Variants in FCHSD2 observed in about 807,000 individuals in gnomAD.
FCHSD2 encodes the protein FCH and double SH3 domains 2, also known as F-BAR and double SH3 domains protein 2.
FCHSD2 carries 38 observed loss-of-function variants against 108.1 expected under a neutral mutation model. That is an observed-to-expected ratio of 0.35 (90% confidence interval 0.27 to 0.46). The LOEUF (loss-of-function observed/expected upper bound fraction) is 0.46, where lower values mean the gene tolerates loss of function less well. Ranked by LOEUF, FCHSD2 falls within the 20% of genes least tolerant of loss-of-function variation. The probability of loss-of-function intolerance (pLI) is 1.00; values close to 1 mark genes in which losing one functional copy is unlikely to be tolerated. For missense variants in FCHSD2, 751 were observed against 897.8 expected (o/e 0.84, Z 2.09); for synonymous variants, 279 against 314.7 (o/e 0.89, Z 1.20).
At chr11:73,069,028 A>T (rs1487917720) in intron 3 of FCHSD2, among the ~76,000 whole-genome samples, 1 of 151,480 alleles carries the variant, frequency 6.6e-6, no homozygotes, top group Non-Finnish European at 1.5e-5. Context: ...ACAAAAAAAA[A>T]GGCCAGGAAT....
chr11:73,014,670 A>G (rs1857931711), intron 4 of FCHSD2, among the ~76,000 whole-genome samples: 1 of 152,116 alleles, frequency 6.6e-6, no homozygotes, highest in Admixed American at 6.6e-5. Context: ...ATGCGCTTCA[A>G]TACTAAGTTC....
At chr11:73,127,620 C>T (rs1244713227) in intron 2 of FCHSD2, among the ~76,000 whole-genome samples, 2 of 152,164 alleles carry the variant, frequency 1.3e-5, no homozygotes, top group Admixed American at 6.5e-5. Flanking sequence ...AGAAAACCAT[C>T]AACTTACAGG....
At chr11:73,133,759 C>A (rs1475106243) in intron 2 of FCHSD2, among the ~76,000 whole-genome samples, 4 of 143,166 alleles carry the variant, frequency 2.8e-5, no homozygotes, top group Non-Finnish European at 6.0e-5. Context: ...CGCCACTGCA[C>A]TCCAGTATGG....
intron 9 of FCHSD2, among the ~76,000 whole-genome samples, chr11:72,907,596 TGG>T: frequency 1.2e-5 from 1 of 83,832 alleles, no homozygotes; most frequent in Non-Finnish European, 2.4e-5. Context: ...GATAATCACG[TGG>T]GTTTTTTTTT....
intron 13 of FCHSD2, among the ~76,000 whole-genome samples, chr11:72,862,402 T>C (rs1420068548): frequency 6.6e-6 from 1 of 152,210 alleles, no homozygotes; most frequent in East Asian, 1.9e-4. Context: ...GATTGCAGGA[T>C]ATAAGATCAA....
chr11:73,127,871 C>A (rs1481955048), intron 2 of FCHSD2, among the ~76,000 whole-genome samples: 2 of 151,814 alleles, frequency 1.3e-5, no homozygotes, highest in Non-Finnish European at 2.9e-5. Context: ...GTGGGAATCA[C>A]CTGAGGTCAA....
At chr11:72,948,961 A>C (rs1856572027) in intron 8 of FCHSD2, among the ~76,000 whole-genome samples, 1 of 151,718 alleles carries the variant, frequency 6.6e-6, no homozygotes, top group African/African-American at 2.4e-5. Context: ...CACAGCACCC[A>C]GCATAATTTT....
At chr11:73,116,835 C>T (rs1860615232) in intron 2 of FCHSD2, among the ~76,000 whole-genome samples, 1 of 152,254 alleles carries the variant, frequency 6.6e-6, no homozygotes, top group Middle Eastern at 3.4e-3. Flanking sequence ...CAGCGCCTGG[C>T]CCATATCTCT....
rs558623543 is a variant in FCHSD2 at position 73,054,015 on chromosome 11, C to T, written c.165+29680G>A. 3.3e-5 allele frequency among the ~76,000 whole-genome samples: 5 copies of T among 152,230 alleles called. No individual in the cohort carries two copies. The South Asian group carries it at 8.3e-4, about 25-fold the overall frequency. On this transcript the variant is annotated intron_variant, in intron 3 of 19. Coordinates refer to ENST00000409418, the MANE Select transcript of FCHSD2 (RefSeq NM_014824.3). ...TTTTAAGGGAAAAGGGGGGAAGAGT[C>T]CTCACAACAGATAGTTTGAGTGCAC...
At chr11:72,862,033 A>G (rs1861589583) in intron 13 of FCHSD2, among the ~76,000 whole-genome samples, 1 of 152,208 alleles carries the variant, frequency 6.6e-6, no homozygotes, top group South Asian at 2.1e-4. Context: ...CAATTACACC[A>G]TATTAGCAGA....
At chr11:73,112,893 T>A (rs562294337) in intron 2 of FCHSD2, among the ~76,000 whole-genome samples, 1 of 152,336 alleles carries the variant, frequency 6.6e-6, no homozygotes, top group Admixed American at 6.5e-5. Context: ...CTTGAACTCC[T>A]GACCTCAAAT....
At chr11:73,021,980 G>C (rs1858120545) in intron 3 of FCHSD2, among the ~76,000 whole-genome samples, 1 of 151,976 alleles carries the variant, frequency 6.6e-6, no homozygotes, top group Admixed American at 6.6e-5. Flanking sequence ...TATGGCAGGA[G>C]AGGGAGAGGA....
chr11:72,929,835 CCA>C (rs1163084589), intron 8 of FCHSD2, among the ~76,000 whole-genome samples: 1 of 152,124 alleles, frequency 6.6e-6, no homozygotes, highest in Non-Finnish European at 1.5e-5. Context: ...TCAGATTTTC[CCA>C]AAAGACCCTT....
chr11:73,019,027 C>T (rs149929919), intron 3 of FCHSD2, among the ~76,000 whole-genome samples: 33 of 152,288 alleles, frequency 2.2e-4, no homozygotes, highest in Non-Finnish European at 3.7e-4. Flanking sequence ...ATATGGGTTA[C>T]TGCCAAACAA....
At chr11:72,870,358 C>T (rs1327406507) in intron 12 of FCHSD2, among the ~76,000 whole-genome samples, 1 of 152,002 alleles carries the variant, frequency 6.6e-6, no homozygotes, top group Non-Finnish European at 1.5e-5. Flanking sequence ...TGACATTCAG[C>T]GTTATTCTCC....
chr11:72,845,293 T>C (rs1861092069), intron 14 of FCHSD2, among the ~76,000 whole-genome samples: 1 of 151,760 alleles, frequency 6.6e-6, no homozygotes, highest in African/African-American at 2.4e-5. Flanking sequence ...TGGTGGCACG[T>C]GCCTGTAATC....
chr11:72,986,642 T>C (rs1257141884), intron 6 of FCHSD2, among the ~76,000 whole-genome samples: 2 of 152,240 alleles, frequency 1.3e-5, no homozygotes, highest in Non-Finnish European at 2.9e-5. Context: ...CTCCTTTTTT[T>C]ACAGTCATTA....
intron 2 of FCHSD2, among the ~76,000 whole-genome samples, chr11:73,100,583 G>C (rs1591553204): frequency 6.6e-6 from 1 of 152,214 alleles, no homozygotes; most frequent in Non-Finnish European, 1.5e-5. Flanking sequence ...GGCTGGTCTG[G>C]AACTCTCGAC....
intron 13 of FCHSD2, among the ~76,000 whole-genome samples, 171 bp from the exon 14 acceptor site, chr11:72,850,060 T>A (rs1288062215): frequency 3.1e-3 from 2 of 650 alleles, no homozygotes; most frequent in Admixed American, 0.045. Flanking sequence ...GAATAGAGTT[T>A]TTTTTTTTTT....
Sources: gnomAD v4.1 joint callset for allele counts (sites outside exome capture counted in the v4.1 genomes callset) on GRCh38, gnomAD v4.1.1 for gene constraint, MANE v1.5 for transcripts, NCBI Gene and HGNC (gene_info 2026-07-23, HGNC 2026-07-21) for gene names.